The following MMP26 variants were observed in gnomAD, a reference collection of about 807,000 sequenced individuals.
The protein encoded by MMP26 is matrix metallopeptidase 26.
Under a neutral mutation model 31.0 loss-of-function variants are expected in MMP26, and 33 were observed. The ratio of observed to expected loss-of-function variants is 1.06; its 90% CI spans 0.81 to 1.42. MMP26 has a LOEUF of 1.42. Ranked by LOEUF, MMP26 falls within the 40% of genes most tolerant of loss-of-function variation. The probability of loss-of-function intolerance (pLI) is 0.00; values close to 1 mark genes in which losing one functional copy is unlikely to be tolerated. For synonymous variants in MMP26, 122 were observed against 114.9 expected (o/e 1.06, Z -0.40); for missense variants, 347 against 316.1 (o/e 1.10, Z -0.74).
intron 2 of MMP26, among the ~76,000 whole-genome samples, chr11:4,779,076 C>T (rs914382721): frequency 4.0e-5 from 6 of 151,866 alleles, no homozygotes; most frequent in Admixed American, 3.9e-4. Context: ...ATTTTCTTTT[C>T]CTTTACTCTG....
At chr11:4,856,160 C>G (rs1850049156) in intron 2 of MMP26, among the ~76,000 whole-genome samples, 2 of 152,184 alleles carry the variant, frequency 1.3e-5, no homozygotes, top group African/African-American at 4.8e-5. Flanking sequence ...GAAACTGCAT[C>G]AACTAATGAG....
chr11:4,849,066 A>AG (rs1420741297), intron 2 of MMP26: 1 of 1,614,118 alleles, frequency 6.2e-7, no homozygotes, highest in Admixed American at 1.7e-5. Context: ...GCCATTTCCC[A>AG]GTGCAGAGAG....
At chr11:4,928,678 A>G (rs531121133) in intron 2 of MMP26, among the ~76,000 whole-genome samples, 6 of 152,202 alleles carry the variant, frequency 3.9e-5, no homozygotes, top group Admixed American at 3.3e-4. Flanking sequence ...TAAGTCTTAG[A>G]TAATAGCAGT....
intron 2 of MMP26, among the ~76,000 whole-genome samples, chr11:4,855,354 A>G (rs1221541324): frequency 1.3e-5 from 2 of 152,186 alleles, no homozygotes; most frequent in African/African-American, 4.8e-5. Context: ...AACTAGGATA[A>G]ACAGCATAGA....
intron 1 of MMP26, among the ~76,000 whole-genome samples, chr11:4,715,322 TAA>T (rs1018359721): frequency 3.2e-5 from 4 of 126,370 alleles, no homozygotes; most frequent in South Asian, 2.8e-4. Flanking sequence ...TGTTATCAAA[TAA>T]AGTCTTTTTT....
At chr11:4,913,594 G>A (rs1293961696) in intron 2 of MMP26, 1 of 152,028 alleles carries the variant, frequency 6.6e-6, no homozygotes, top group Non-Finnish European at 1.5e-5. Context: ...ACATATAAAA[G>A]GGCATAACAA....
At chr11:4,889,083 CTT>C (rs1367347700) in intron 2 of MMP26, among the ~76,000 whole-genome samples, 1 of 152,156 alleles carries the variant, frequency 6.6e-6, no homozygotes, top group Non-Finnish European at 1.5e-5. Context: ...CACATACACA[CTT>C]ATCAACATAC....
chr11:4,935,309 T>A (rs1159024753), intron 2 of MMP26, among the ~76,000 whole-genome samples: 1 of 151,658 alleles, frequency 6.6e-6, no homozygotes, highest in African/African-American at 2.4e-5. Context: ...GTAAGTTGGA[T>A]TCCTAGGTAT....
At chr11:4,733,851 TTTG>T (rs1296750803) in intron 1 of MMP26, among the ~76,000 whole-genome samples, 1 of 152,190 alleles carries the variant, frequency 6.6e-6, no homozygotes, top group Non-Finnish European at 1.5e-5. Flanking sequence ...GAAATTCCTT[TTTG>T]TTCTACATTG....
At chr11:4,748,886 G>A (rs1848413891) in intron 1 of MMP26, among the ~76,000 whole-genome samples, 1 of 151,942 alleles carries the variant, frequency 6.6e-6, no homozygotes. Context: ...ACTGAAACAA[G>A]GCAAGGATGC....
At chr11:4,901,961 G>A (rs1362128826) in intron 2 of MMP26, among the ~76,000 whole-genome samples, 1 of 152,172 alleles carries the variant, frequency 6.6e-6, no homozygotes, top group Non-Finnish European at 1.5e-5. Flanking sequence ...CTACATACTT[G>A]ATAATCGAAT....
At chr11:4,769,650 C>G in intron 2 of MMP26, 1 of 1,613,108 alleles carries the variant, frequency 6.2e-7, no homozygotes, top group Non-Finnish European at 8.5e-7. Context: ...TCACGTGCCT[C>G]AAACCAGAGG....
chr11:4,800,488 C>T (rs1849166344), intron 2 of MMP26, among the ~76,000 whole-genome samples: 1 of 152,178 alleles, frequency 6.6e-6, no homozygotes, highest in South Asian at 2.1e-4. Flanking sequence ...CCATTTTTTT[C>T]TTCCTGGGCC....
intron 2 of MMP26, among the ~76,000 whole-genome samples, chr11:4,940,327 A>G (rs1420581344): frequency 1.3e-5 from 2 of 152,118 alleles, no homozygotes; most frequent in Non-Finnish European, 1.5e-5. Context: ...CTGCCCACCA[A>G]AGTGTACACT....
chr11:4,857,822 C>T (rs968606649), intron 2 of MMP26, among the ~76,000 whole-genome samples: 1 of 152,142 alleles, frequency 6.6e-6, no homozygotes, highest in Non-Finnish European at 1.5e-5. Flanking sequence ...TGCAAAAATA[C>T]TCAATAAAAT....
In MMP26 at chr11:4,991,952, AT is replaced by A; in HGVS notation, c.596-11del. The stretch of plus-strand genomic sequence containing the variant: ...AGTTAATTTTATCTTTTTTTTTTCT[AT>A]AATTTTTCAGGATATAATCTGTTCC... On this transcript the variant is annotated splice_polypyrimidine_tract_variant and intron_variant, in intron 6 of 7. Transcript: ENST00000380390. 1 of 1,562,896 alleles carries A rather than the reference AT, an allele frequency of 6.4e-7. No homozygotes were observed. The highest frequency in any genetic ancestry group is 8.6e-7 in the Non-Finnish European group (1 of 1,162,736).
intron 2 of MMP26, among the ~76,000 whole-genome samples, chr11:4,927,649 A>G (rs1298820800): frequency 6.6e-6 from 1 of 152,024 alleles, no homozygotes; most frequent in Non-Finnish European, 1.5e-5. Flanking sequence ...TGACAGTTGG[A>G]GAGAAAAGGG....
rs75944066 is a variant in MMP26, at chr11:4,793,014, A to G, written c.-145+25673A>G. Reference sequence around the variant, plus strand: ...GATTATCTCAAGTGAAACAAGACTTAAGTAACAGATTTAAGTGACCTATCT... The same window carrying G: ...GATTATCTCAAGTGAAACAAGACTTGAGTAACAGATTTAAGTGACCTATCT... On this transcript the variant is annotated intron_variant, in intron 2 of 7. Coordinates refer to ENST00000380390, the MANE Select transcript of MMP26 (RefSeq NM_021801.5). Among the ~76,000 whole-genome samples the G allele has an allele frequency of 1.8e-3, 270 of 152,356 alleles. 3 individuals are homozygous for G. The highest frequency in any genetic ancestry group is 6.7e-3 in the East Asian group (35 of 5,190).
intron 2 of MMP26, chr11:4,875,653 T>C (rs1850369553): frequency 6.6e-6 from 1 of 152,128 alleles, no homozygotes; most frequent in African/African-American, 2.4e-5. Context: ...CAAAGGTTAT[T>C]CATTTCTAAG....
Sources: allele counts gnomAD v4.1 joint callset (sites outside exome capture counted in the v4.1 genomes callset), GRCh38; gene constraint gnomAD v4.1.1; transcripts MANE v1.5; gene names NCBI Gene and HGNC (gene_info 2026-07-23, HGNC 2026-07-21).